PTPRH: variants seen among roughly 807,000 people sequenced by gnomAD.
The protein encoded by PTPRH is receptor-type tyrosine-protein phosphatase H.
Under a neutral mutation model 130.2 loss-of-function variants are expected in PTPRH, and 113 were observed. That is an observed-to-expected ratio of 0.87 (90% CI 0.75 to 1.01). PTPRH has a LOEUF of 1.01. PTPRH is among the 50% of genes least tolerant of loss of function. The pLI is 0.00. For synonymous variants in PTPRH, 556 were observed against 577.9 expected (o/e 0.96, Z 0.54); for missense variants, 1,430 against 1,425.0 (o/e 1.00, Z -0.06).
intron 4 of PTPRH, among the ~76,000 whole-genome samples, chr19:55,204,554 G>C (rs1260224920): frequency 6.6e-6 from 1 of 152,152 alleles, no homozygotes; most frequent in Non-Finnish European, 1.5e-5. Flanking sequence ...TTCTCACTCA[G>C]CAGGGCTAGG....
chr19:55,185,807 A>G (rs1278084379), intron 17 of PTPRH, 55 bp downstream of exon 17: 2 of 1,612,938 alleles, frequency 1.2e-6, no homozygotes, highest in Non-Finnish European at 1.7e-6. Flanking sequence ...TCCTGGATGC[A>G]TGGCATATGT....
chr19:55,200,837 G>A (rs1347921324), intron 6 of PTPRH, among the ~76,000 whole-genome samples: 1 of 152,140 alleles, frequency 6.6e-6, no homozygotes, highest in African/African-American at 2.4e-5. Flanking sequence ...CAGCTACTCG[G>A]GAGGCTGAGG....
intron 6 of PTPRH, 73 bp downstream of exon 6, chr19:55,201,983 C>T (rs931560853): frequency 6.3e-7 from 1 of 1,577,270 alleles, no homozygotes; most frequent in Non-Finnish European, 8.6e-7. Context: ...ATGGAATAGA[C>T]AATCGTCTAC....
chr19:55,203,193 G>A (rs1350392274), intron 5 of PTPRH, among the ~76,000 whole-genome samples: 1 of 151,482 alleles, frequency 6.6e-6, no homozygotes, highest in African/African-American at 2.4e-5. Context: ...CAGGTGTGGC[G>A]GTGTGCGCCT....
chr19:55,190,255 A>G (rs2086485649), intron 12 of PTPRH, among the ~76,000 whole-genome samples: 1 of 150,516 alleles, frequency 6.6e-6, no homozygotes, highest in African/African-American at 2.4e-5. Context: ...CTGTATTCCC[A>G]GCTACTCGGG....
rs965046018 is a variant in PTPRH at position 55,196,423 on chromosome 19, T to C, written c.2257+99A>G. 20 of 1,378,196 alleles carry C rather than the reference T, an allele frequency of 1.5e-5. 1 individual carries two copies. The Middle Eastern group carries it at 7.9e-4, about 55-fold the overall frequency. 85.4% of individuals were successfully genotyped at this position (1,378,196 alleles called of 1,614,324 possible). A position where few individuals can be genotyped will look rare whatever the true frequency, so the allele number is the denominator to read the frequency against. ...AATAAAAAAGATGTTTCAAAGGAAA[T>C]GAGAAACAAAAGAGTCCCACTGATT... On this transcript the variant is annotated intron_variant, in intron 10 of 19. Transcript: ENST00000376350.
intron 10 of PTPRH, 29 bp downstream of exon 10, chr19:55,196,493 A>G: frequency 6.3e-7 from 1 of 1,591,500 alleles, no homozygotes; most frequent in Non-Finnish European, 8.6e-7. Context: ...ATTTCATCAT[A>G]GCTGGCTGGC....
In PTPRH at chr19:55,196,571, G is replaced by A. The variant is rs376875508; in HGVS notation, c.2208C>T (p.Asp736=). Residue 736 remains aspartate, a synonymous_variant, in exon 10 of 20, where the codon GAC becomes GAT. Coordinates refer to ENST00000376350, the MANE Select transcript of PTPRH (RefSeq NM_002842.5). ...SYPATITTIW[D]GMKVVSHSVV... is the part of the protein sequence containing the mutation. ...CAGAGTGAGACACGACCTTCATTCCGTCCCAGATGGTCGTGATGGTGGCTG... is the reference window on the plus strand; with the variant it reads ...CAGAGTGAGACACGACCTTCATTCCATCCCAGATGGTCGTGATGGTGGCTG... 51 of 1,613,422 alleles carry A rather than the reference G, an allele frequency of 3.2e-5. No homozygotes were observed. The highest frequency in any genetic ancestry group is 2.2e-4 in the Admixed American group (13 of 59,966).
In PTPRH at chr19:55,191,488, A is replaced by G. The variant is rs763042370; in HGVS notation, c.2384+13T>C. The G allele has an allele frequency of 7.1e-5, 115 of 1,613,698 alleles. 1 individual carries two copies. Among genetic ancestry groups the G allele is most frequent in the Non-Finnish European group, 9.0e-5 (106 of 1,179,898 alleles). ...AGATTCTTTCCAATGCACCCCCCAG[A>G]CCTTCTGCTCACCTAAAGACCAGAT... On this transcript the variant is annotated intron_variant, in intron 12 of 19. Coordinates refer to ENST00000376350, the MANE Select transcript of PTPRH (RefSeq NM_002842.5).
rs1170863012 is a variant in PTPRH, at chr19:55,187,596, G to A, written c.2483C>T (p.Ser828Phe). ...CTGAGACTGGCTGTGGCCCACCAGG[G>A]AGAGTTGCTGGGGATGCAGGGAGAG... ...CGFADEYQQL[S>F]LVGHSQSQMV... Residue 828 changes from serine to phenylalanine, a missense_variant, in exon 14 of 20, where the codon TCC becomes TTC. Coordinates refer to ENST00000376350, the MANE Select transcript of PTPRH (RefSeq NM_002842.5). 5 of 1,612,404 alleles carry A rather than the reference G, an allele frequency of 3.1e-6. No individual in the cohort carries two copies. Among genetic ancestry groups the A allele is most frequent in the Non-Finnish European group, 4.2e-6 (5 of 1,178,674 alleles).
intron 5 of PTPRH, among the ~76,000 whole-genome samples, chr19:55,202,644 CAT>C (rs1164288541): frequency 6.6e-6 from 1 of 151,550 alleles, no homozygotes; most frequent in African/African-American, 2.4e-5. Context: ...TATACACACA[CAT>C]ATATATACAT....
chr19:55,184,356 A>G (rs8106704), intron 18 of PTPRH, among the ~76,000 whole-genome samples: 62,288 of 151,762 alleles, frequency 0.41, 13,981 homozygotes, highest in African/African-American at 0.59. Context: ...TTGCCATGAG[A>G]CTGTCATGAG....
At chr19:55,206,524 T>C (rs2087062036) in intron 3 of PTPRH, among the ~76,000 whole-genome samples, 165 bp downstream of exon 3, 1 of 151,952 alleles carries the variant, frequency 6.6e-6, no homozygotes, top group Admixed American at 6.6e-5. Flanking sequence ...GACCAGTTTC[T>C]TTTTACTTAT....
chr19:55,207,260 C>G lies in PTPRH; in HGVS notation c.52-61G>C, dbSNP rs1045704512. On this transcript the variant is annotated intron_variant, in intron 1 of 19. Transcript: ENST00000376350. ...CAACCACTCCTCCGCCCAGTGAGGC[C>G]GAGGGGCTGGGAGGAGCGGCTGGTC... is the stretch of plus-strand genomic sequence containing the variant. The G allele has an allele frequency of 6.4e-4, 1,006 of 1,571,454 alleles. 1 individual carries two copies. Among genetic ancestry groups the G allele is most frequent in the Middle Eastern group, 8.4e-4 (5 of 5,956 alleles).
chr19:55,193,648 C>A (rs989611524), intron 10 of PTPRH, among the ~76,000 whole-genome samples: 3 of 152,070 alleles, frequency 2.0e-5, no homozygotes, highest in African/African-American at 7.2e-5. Context: ...GGACGGCCCC[C>A]CCACAACAAA....
Position 55,181,275 on chromosome 19 carries a change from A to C in PTPRH, c.*479T>G. 1 of 157,036 alleles carries C rather than the reference A, an allele frequency of 6.4e-6. No homozygotes were observed. The highest frequency in any genetic ancestry group is 6.1e-5 in the Admixed American group (1 of 16,364). 9.7% of individuals were successfully genotyped at this position (157,036 alleles called of 1,614,324 possible). ...GGGGAGAACAGTGATTTAATAAATTATGGGATAGAAGGAAAAATACATGTG... is the reference window on the plus strand; with the variant it reads ...GGGGAGAACAGTGATTTAATAAATTCTGGGATAGAAGGAAAAATACATGTG... On this transcript the variant is annotated 3_prime_UTR_variant, in exon 20 of 20. Coordinates refer to ENST00000376350, the MANE Select transcript of PTPRH (RefSeq NM_002842.5).
chr19:55,204,162 C>T (rs2086968786), intron 4 of PTPRH, 114 bp from the exon 5 acceptor site: 3 of 1,213,338 alleles, frequency 2.5e-6, no homozygotes, highest in Non-Finnish European at 3.4e-6. Context: ...GTCTGTCATC[C>T]AGGCTGGAGT....
intron 18 of PTPRH, 115 bp from the exon 19 acceptor site, chr19:55,182,266 C>G (rs528258004): frequency 1.6e-6 from 2 of 1,260,132 alleles, no homozygotes; most frequent in East Asian, 2.4e-5. Context: ...CTGCTCACAC[C>G]TGTAATCCCA....
At chr19:55,188,011 G>A (rs1452918494) in intron 13 of PTPRH, 67 bp downstream of exon 13, 52 of 1,011,428 alleles carry the variant, frequency 5.1e-5, no homozygotes, top group Middle Eastern at 5.0e-4. Context: ...GTCTGGCCAG[G>A]GGGTGGGGGG....
Sources: gnomAD v4.1 joint callset for allele counts (sites outside exome capture counted in the v4.1 genomes callset) on GRCh38, gnomAD v4.1.1 for gene constraint, MANE v1.5 for transcripts, NCBI Gene and HGNC (gene_info 2026-07-23, HGNC 2026-07-21) for gene names.